Variants in HECW1 observed in about 807,000 individuals in gnomAD.
HECW1 encodes the protein E3 ubiquitin-protein ligase HECW1.
Under a neutral mutation model 182.3 loss-of-function variants are expected in HECW1, and 61 were observed. That is an observed-to-expected ratio of 0.33 (90% CI 0.27 to 0.41). The LOEUF is 0.41. Among genes scored for constraint, HECW1 ranks in the 10% least tolerant of loss-of-function variants. The probability of loss-of-function intolerance (pLI) is 1.00; values close to 1 mark genes in which losing one functional copy is unlikely to be tolerated. For missense variants in HECW1, 1,739 were observed against 2,108.9 expected (o/e 0.82, Z 3.44); for synonymous variants, 859 against 832.6 (o/e 1.03, Z -0.55).
chr7:43,242,932 C>T (rs771648949), intron 2 of HECW1, among the ~76,000 whole-genome samples: 1 of 152,042 alleles, frequency 6.6e-6, no homozygotes, highest in Non-Finnish European at 1.5e-5. Context: ...GAATTCTCTC[C>T]GTCTTCTATT....
intron 2 of HECW1, among the ~76,000 whole-genome samples, chr7:43,242,888 T>G (rs74881291): frequency 0.015 from 2,226 of 152,250 alleles, 60 homozygotes; most frequent in African/African-American, 0.051. Context: ...ACCAGGGCGT[T>G]GGACACAGAG....
chr7:43,308,085 A>C (rs1279504425), intron 3 of HECW1, among the ~76,000 whole-genome samples: 1 of 107,830 alleles, frequency 9.3e-6, no homozygotes, highest in Non-Finnish European at 1.7e-5. Flanking sequence ...ATAATATATT[A>C]TATATTATAT....
At chr7:43,274,521 C>T in intron 3 of HECW1, 6 of 591,680 alleles carry the variant, frequency 1.0e-5, no homozygotes, top group South Asian at 9.3e-5. Context: ...TGGAGGAGAT[C>T]GCAGCCAACA....
intron 2 of HECW1, among the ~76,000 whole-genome samples, chr7:43,188,545 G>A (rs898540685): frequency 1.3e-5 from 2 of 152,160 alleles, no homozygotes; most frequent in African/African-American, 4.8e-5. Context: ...CACTGACTAG[G>A]TTCTGCTGTG....
chr7:43,374,527 C>A lies in HECW1; in HGVS notation c.555+13547C>A, dbSNP rs1392108176. ...AAATCTAATTTATGAACAACAGATGCACTTTGGGAGGCCGAGGCGGGCGGA... is the reference window on the plus strand; with the variant it reads ...AAATCTAATTTATGAACAACAGATGAACTTTGGGAGGCCGAGGCGGGCGGA... On this transcript the variant is annotated intron_variant, in intron 6 of 29. Transcript: ENST00000395891. Among the ~76,000 whole-genome samples the A allele has an allele frequency of 3.8e-5, 2 of 52,032 alleles. 1 individual carries two copies. Among genetic ancestry groups the A allele is most frequent in the South Asian group, 1.5e-3 (2 of 1,346 alleles). 34.1% of individuals were successfully genotyped at this position (52,032 alleles called of 152,430 possible). A position where few individuals can be genotyped will look rare whatever the true frequency, so the allele number is the denominator to read the frequency against.
At chr7:43,358,768 T>G (rs950595549) in intron 5 of HECW1, among the ~76,000 whole-genome samples, 1 of 152,052 alleles carries the variant, frequency 6.6e-6, no homozygotes, top group African/African-American at 2.4e-5. Flanking sequence ...TGTAAAGTGT[T>G]ATTTGGAAAG....
Position 43,423,779 on chromosome 7 carries a change from T to C in HECW1, c.802-14224T>C, listed in dbSNP as rs1413326157. 2.6e-5 allele frequency among the ~76,000 whole-genome samples: 4 copies of C among 151,992 alleles called. No individual in the cohort carries two copies. In the East Asian group the frequency reaches 7.7e-4, roughly 29 times the overall value. On this transcript the variant is annotated intron_variant, in intron 8 of 29. Transcript: ENST00000395891. ...CGAGGGAGTATTTACACCAAGAAAA[T>C]TGGCAAACACTACAGACTGGAGCTG...
At chr7:43,542,674 C>A (rs2081406440) in intron 26 of HECW1, among the ~76,000 whole-genome samples, 1 of 152,044 alleles carries the variant, frequency 6.6e-6, no homozygotes, top group Non-Finnish European at 1.5e-5. Flanking sequence ...CTGTTCAAGT[C>A]CCTGCTGTAT....
intron 3 of HECW1, among the ~76,000 whole-genome samples, chr7:43,250,170 A>G (rs1799880494): frequency 6.6e-6 from 1 of 152,008 alleles, no homozygotes; most frequent in South Asian, 2.1e-4. Flanking sequence ...CAGAAATACA[A>G]AATAAAACTG....
At chr7:43,400,097 A>G (rs13437856) in intron 7 of HECW1, among the ~76,000 whole-genome samples, 28,613 of 151,982 alleles carry the variant, frequency 0.19, 3,266 homozygotes, top group African/African-American at 0.32. Flanking sequence ...TTAGCCAGCC[A>G]TGGTGGCATG....
At position 43,493,178 on chromosome 7, in the gene HECW1, C is replaced by G. The variant is rs181114904; in HGVS notation, c.3435C>G (p.Leu1145=). 9 of 1,608,820 alleles carry G rather than the reference C, an allele frequency of 5.6e-6. No individual in the cohort carries two copies. In the Admixed American group the frequency reaches 1.5e-4, roughly 27 times the overall value. The change falls in exon 19 of 30, where the codon CTC becomes CTG. Residue 1145 remains leucine, a splice_region_variant and synonymous_variant. Coordinates refer to ENST00000395891, the MANE Select transcript of HECW1 (RefSeq NM_015052.5). ...CAAGCTTAGCAAGAAACCACACACT[C>G]AGGTAAGCCTCGCCCCTCACTCCCT... ...RQPSLARNHT[L]REKIHYIRTE... is the part of the protein sequence containing the mutation.
intron 24 of HECW1, among the ~76,000 whole-genome samples, chr7:43,525,620 A>G (rs1233508799): frequency 1.3e-5 from 2 of 152,248 alleles, no homozygotes; most frequent in Non-Finnish European, 2.9e-5. Flanking sequence ...GACCAGGGAC[A>G]GAGGTACAAT....
intron 28 of HECW1, 58 bp downstream of exon 28, chr7:43,552,394 A>T (rs1563119896): frequency 1.8e-6 from 2 of 1,108,034 alleles, no homozygotes; most frequent in Non-Finnish European, 2.8e-6. Context: ...AGCACTTTCC[A>T]AAAGATTGTT....
chr7:43,295,737 T>A (rs182291274), intron 3 of HECW1, among the ~76,000 whole-genome samples: 2 of 152,312 alleles, frequency 1.3e-5, no homozygotes, highest in African/African-American at 4.8e-5. Context: ...TATATCCCAC[T>A]ATCTCTCAGT....
chr7:43,477,103 T>C (rs894537379), intron 16 of HECW1, among the ~76,000 whole-genome samples: 4 of 152,166 alleles, frequency 2.6e-5, no homozygotes, highest in Non-Finnish European at 4.4e-5. Flanking sequence ...TTTTCTTTTG[T>C]AGATTCCCTG....
intron 16 of HECW1, among the ~76,000 whole-genome samples, chr7:43,474,230 A>G (rs1464105865): frequency 6.6e-6 from 1 of 152,174 alleles, no homozygotes; most frequent in Non-Finnish European, 1.5e-5. Context: ...CGGGTGGATC[A>G]CGAGGTCAGC....
chr7:43,541,622 G>T (rs903745344), intron 25 of HECW1, among the ~76,000 whole-genome samples: 1 of 152,102 alleles, frequency 6.6e-6, no homozygotes, highest in Non-Finnish European at 1.5e-5. Flanking sequence ...CAATTTTCAT[G>T]CAGAGTCCCT....
At chr7:43,414,980 C>A (rs910918975) in intron 8 of HECW1, among the ~76,000 whole-genome samples, 16 of 152,200 alleles carry the variant, frequency 1.1e-4, no homozygotes, top group Admixed American at 3.9e-4. Flanking sequence ...TAAAATGAGG[C>A]CAATTTGCCA....
At chr7:43,311,415 G>T (rs939917589) in intron 3 of HECW1, among the ~76,000 whole-genome samples, 6 of 152,182 alleles carry the variant, frequency 3.9e-5, no homozygotes, top group African/African-American at 1.4e-4. Flanking sequence ...TGGAGAACTC[G>T]AGGGATGGCA....
Sources: allele counts gnomAD v4.1 joint callset (sites outside exome capture counted in the v4.1 genomes callset), GRCh38; gene constraint gnomAD v4.1.1; transcripts MANE v1.5; gene names NCBI Gene and HGNC (gene_info 2026-07-23, HGNC 2026-07-21).